Variants in ARHGEF3 observed in about 807,000 individuals in gnomAD.
The protein encoded by ARHGEF3 is 59.8 kDA protein.
In ARHGEF3, 28 loss-of-function variants were observed where a neutral mutation model predicts 63.2. The ratio of observed to expected loss-of-function variants is 0.44; its 90% confidence interval spans 0.33 to 0.61. The LOEUF is 0.61. Ranked by LOEUF, ARHGEF3 falls within the 20% of genes least tolerant of loss-of-function variation. The pLI, the probability that ARHGEF3 is intolerant of heterozygous loss-of-function variation, is 0.03. For missense variants in ARHGEF3, 533 were observed against 659.3 expected, an observed-to-expected ratio of 0.81 and a Z score of 2.10; for synonymous variants, 266 against 254.2, an observed-to-expected ratio of 1.05 and a Z score of -0.44.
chr3:57,075,142 C>G (rs994733839), intron 1 of ARHGEF3: 5 of 167,174 alleles, frequency 3.0e-5, no homozygotes, highest in African/African-American at 1.2e-4. Context: ...TGGGTTTCTG[C>G]TCCAATGCTA....
intron 3 of ARHGEF3, among the ~76,000 whole-genome samples, chr3:56,956,575 C>T (rs1578946666): frequency 6.6e-6 from 1 of 152,256 alleles, no homozygotes; most frequent in African/African-American, 2.4e-5. Flanking sequence ...GAAGAGGTCT[C>T]GTGGCCATAG....
chr3:56,870,699 G>A (rs2040406582), intron 4 of ARHGEF3, among the ~76,000 whole-genome samples: 1 of 152,078 alleles, frequency 6.6e-6, no homozygotes. Flanking sequence ...TTGATAATGG[G>A]GGAGACTATG....
intron 3 of ARHGEF3, among the ~76,000 whole-genome samples, chr3:56,924,206 A>G (rs751264957): frequency 6.6e-6 from 1 of 152,218 alleles, no homozygotes; most frequent in Non-Finnish European, 1.5e-5. Flanking sequence ...AAACTAAATG[A>G]TGTGTAAAAA....
intron 1 of ARHGEF3, among the ~76,000 whole-genome samples, chr3:56,789,020 A>ATGCTGCTGCTGCTGCTGCTGCTGC (rs34620976): frequency 3.7e-4 from 55 of 149,224 alleles, no homozygotes; most frequent in African/African-American, 5.7e-4. Flanking sequence ...TTCAAGATAG[A>ATGCTGCTGCTGCTGCTGCTGCTGC]TGCTGCTGCT....
rs1659628370 is a variant in ARHGEF3 at position 56,862,200 on chromosome 3, C to T, written c.192+20092G>A. Among the ~76,000 whole-genome samples the T allele has an allele frequency of 2.0e-5, 3 of 151,690 alleles. No homozygotes were observed. The South Asian group carries it at 6.3e-4, about 32-fold the overall frequency. Reference sequence around the variant, plus strand: ...GGGAGGGGGAGCAGGGTCAGACTGCCCTTCTGTAAGTGTGAGAGATGCAAC... The same window carrying T: ...GGGAGGGGGAGCAGGGTCAGACTGCTCTTCTGTAAGTGTGAGAGATGCAAC... On this transcript the variant is annotated intron_variant, in intron 4 of 12. Transcript: ENST00000338458.
At chr3:56,821,396 CA>C (rs1209685398) in intron 4 of ARHGEF3, among the ~76,000 whole-genome samples, 2 of 152,184 alleles carry the variant, frequency 1.3e-5, no homozygotes, top group Admixed American at 6.5e-5. Context: ...TCATGATTAA[CA>C]AACTAAGTTA....
intron 2 of ARHGEF3, among the ~76,000 whole-genome samples, chr3:56,758,914 T>C (rs906494541): frequency 4.6e-5 from 7 of 152,200 alleles, no homozygotes; most frequent in African/African-American, 1.7e-4. Context: ...AACTTCAAAA[T>C]GAAAGTTTCC....
At chr3:56,799,870 A>G (rs1018850678) in intron 1 of ARHGEF3, among the ~76,000 whole-genome samples, 1 of 152,244 alleles carries the variant, frequency 6.6e-6, no homozygotes, top group African/African-American at 2.4e-5. Flanking sequence ...ACACTAAAAA[A>G]CAAAAACCCC....
intron 1 of ARHGEF3, among the ~76,000 whole-genome samples, chr3:56,800,886 G>C (rs985661777): frequency 6.6e-6 from 1 of 152,212 alleles, no homozygotes; most frequent in Admixed American, 6.5e-5. Context: ...CCCTCAAAGA[G>C]AGGGATGCTT....
At chr3:57,067,177 C>T (rs979485552) in intron 1 of ARHGEF3, among the ~76,000 whole-genome samples, 2 of 152,114 alleles carry the variant, frequency 1.3e-5, no homozygotes, top group Non-Finnish European at 1.5e-5. Context: ...GTCGGCCAGG[C>T]GCGGTGGCTC....
chr3:56,881,696 G>C (rs1473925430), intron 4 of ARHGEF3, among the ~76,000 whole-genome samples: 2 of 152,084 alleles, frequency 1.3e-5, no homozygotes, highest in Non-Finnish European at 2.9e-5. Flanking sequence ...GTATGTACAG[G>C]CAATGTGTTT....
At chr3:56,969,849 A>G (rs1378965156) in intron 2 of ARHGEF3, among the ~76,000 whole-genome samples, 1 of 152,212 alleles carries the variant, frequency 6.6e-6, no homozygotes, top group Non-Finnish European at 1.5e-5. Flanking sequence ...ACAACAGAAT[A>G]TTATTCAACC....
chr3:56,731,975 T>C (rs2033195950), intron 9 of ARHGEF3: 2 of 594,196 alleles, frequency 3.4e-6, no homozygotes, highest in Non-Finnish European at 6.0e-6. Context: ...GCACTAACTA[T>C]GTGCAGACAG....
At chr3:57,045,183 C>T (rs1256716152) in intron 1 of ARHGEF3, among the ~76,000 whole-genome samples, 1 of 152,186 alleles carries the variant, frequency 6.6e-6, no homozygotes. Context: ...AGGAGAATCG[C>T]TTGAACCTAG....
intron 2 of ARHGEF3, among the ~76,000 whole-genome samples, chr3:56,986,115 G>C (rs917232143): frequency 2.6e-5 from 4 of 152,174 alleles, no homozygotes; most frequent in Admixed American, 2.6e-4. Context: ...AGGGATGCAT[G>C]AATCACCAGC....
intron 4 of ARHGEF3, among the ~76,000 whole-genome samples, chr3:56,856,967 A>C (rs767973919): frequency 5.3e-5 from 8 of 152,054 alleles, no homozygotes; most frequent in Non-Finnish European, 8.8e-5. Flanking sequence ...ATGGAGACCA[A>C]AGCCTGTTAT....
intron 3 of ARHGEF3, among the ~76,000 whole-genome samples, chr3:56,899,298 C>T (rs147731958): frequency 2.0e-5 from 3 of 152,314 alleles, no homozygotes; most frequent in African/African-American, 7.2e-5. Context: ...GGAGAGTCAG[C>T]TTATGTTCTT....
chr3:56,908,956 T>G (rs1442315119), intron 3 of ARHGEF3, among the ~76,000 whole-genome samples: 1 of 152,198 alleles, frequency 6.6e-6, no homozygotes, highest in East Asian at 1.9e-4. Flanking sequence ...GCTATGCACA[T>G]GCAAACAAGG....
intron 1 of ARHGEF3, among the ~76,000 whole-genome samples, chr3:56,797,439 C>A (rs1157516606): frequency 6.6e-6 from 1 of 152,144 alleles, no homozygotes; most frequent in East Asian, 1.9e-4. Context: ...CTCCGTGTGG[C>A]TTCCCATCCA....
Sources: gnomAD v4.1 joint callset for allele counts (sites outside exome capture counted in the v4.1 genomes callset) on GRCh38, gnomAD v4.1.1 for gene constraint, MANE v1.5 for transcripts, NCBI Gene and HGNC (gene_info 2026-07-23, HGNC 2026-07-21) for gene names.